Variants in PHIP observed in about 807,000 individuals in gnomAD.
The protein encoded by PHIP is PH-interacting protein.
PHIP carries 54 observed loss-of-function variants against 236.8 expected under a neutral mutation model. That is an observed-to-expected ratio of 0.23 (90% confidence interval 0.18 to 0.29). The LOEUF is 0.29. Among genes scored for constraint, PHIP ranks in the 10% least tolerant of loss-of-function variants. The probability of loss-of-function intolerance (pLI) is 1.00; values close to 1 mark genes in which losing one functional copy is unlikely to be tolerated. For missense variants in PHIP, 1,370 were observed against 2,190.8 expected (o/e 0.63, Z 7.48); for synonymous variants, 756 against 718.9 (o/e 1.05, Z -0.83).
chr6:79,017,814 C>T (rs1055889591), intron 10 of PHIP, among the ~76,000 whole-genome samples: 1 of 151,814 alleles, frequency 6.6e-6, no homozygotes. Context: ...TAAAGCTTTG[C>T]TCAAAAAATA....
rs1316290408 is a variant in PHIP, at chr6:79,061,965, T to C, written c.190-1147A>G. The stretch of plus-strand genomic sequence containing the variant: ...TAATACCCATCTAAACTGAAGCCAA[T>C]AGGAGAAACCTACCTTACTCTTTAT... On this transcript the variant is annotated intron_variant, in intron 4 of 39. Coordinates refer to ENST00000275034, the MANE Select transcript of PHIP (RefSeq NM_017934.7). Among the ~76,000 whole-genome samples, 14 of 152,230 alleles carry C rather than the reference T, an allele frequency of 9.2e-5. No homozygotes were observed. In the East Asian group the frequency reaches 2.3e-3, roughly 25 times the overall value.
At chr6:79,042,733 C>G (rs375600562) in intron 7 of PHIP, 110 bp downstream of exon 7, 1 of 697,150 alleles carries the variant, frequency 1.4e-6, no homozygotes, top group Non-Finnish European at 2.2e-6. Flanking sequence ...CCTGAATTTC[C>G]GGTTTCCTAT....
In PHIP at chr6:78,936,999, A is replaced by C. The variant is rs1426124084; in HGVS notation, c.*3694T>G. 2 of 151,812 alleles carry C rather than the reference A, an allele frequency of 1.3e-5. No individual in the cohort carries two copies. Among genetic ancestry groups the C allele is most frequent in the African/African-American group, 4.8e-5 (2 of 41,436 alleles). The allele number at this position is 151,812 out of a possible 1,614,324, so 9.4% of individuals were successfully genotyped here. A position where few individuals can be genotyped will look rare whatever the true frequency, so the allele number is the denominator to read the frequency against. The stretch of plus-strand genomic sequence containing the variant: ...CCTAAGTGTAACAAAACCACTGCTC[A>C]ATCTGTTATGTTAGAAATACTTTTT... On this transcript the variant is annotated 3_prime_UTR_variant, in exon 40 of 40. Coordinates refer to ENST00000275034, the MANE Select transcript of PHIP (RefSeq NM_017934.7).
chr6:78,954,121 A>T (rs1766243491), intron 35 of PHIP, among the ~76,000 whole-genome samples: 1 of 152,082 alleles, frequency 6.6e-6, no homozygotes, highest in African/African-American at 2.4e-5. Context: ...TGCTTTTGAG[A>T]CTCAGTCTCT....
rs1186692850 is a variant in PHIP, at chr6:78,961,830, T to C, written c.3536-20A>G. ...CAATATCTAAAATAAATAGATAAGT[T>C]TGTAAATTTATTTTTGTATGCCTAA... On this transcript the variant is annotated intron_variant, in intron 30 of 39. Transcript: ENST00000275034. 5.1e-6 allele frequency: 8 copies of C among 1,572,788 alleles called. No homozygotes were observed. Among genetic ancestry groups the C allele is most frequent in the African/African-American group, 1.4e-5 (1 of 72,794 alleles).
chr6:78,987,927 C>A (rs1235373932), intron 21 of PHIP, among the ~76,000 whole-genome samples: 1 of 152,140 alleles, frequency 6.6e-6, no homozygotes, highest in African/African-American at 2.4e-5. Flanking sequence ...TGCTCTACCT[C>A]TTAATAGGTG....
intron 19 of PHIP, among the ~76,000 whole-genome samples, chr6:78,993,757 T>A (rs917729175): frequency 1.3e-5 from 2 of 152,212 alleles, no homozygotes; most frequent in Admixed American, 1.3e-4. Flanking sequence ...CTGATGCAGA[T>A]ATACAAGGTG....
At chr6:79,059,096 C>A (rs977814895) in intron 6 of PHIP, among the ~76,000 whole-genome samples, 18 of 151,860 alleles carry the variant, frequency 1.2e-4, no homozygotes, top group African/African-American at 4.4e-4. Context: ...GATTACCCAC[C>A]ACGCAGATAT....
At chr6:79,041,560 A>G (rs1348202007) in intron 7 of PHIP, among the ~76,000 whole-genome samples, 1 of 152,086 alleles carries the variant, frequency 6.6e-6, no homozygotes, top group East Asian at 1.9e-4. Context: ...TTTTGAAAGA[A>G]TTCTTTCAAA....
intron 20 of PHIP, 34 bp downstream of exon 20, chr6:78,990,834 G>A (rs760250200): frequency 1.6e-6 from 2 of 1,228,148 alleles, no homozygotes; most frequent in Non-Finnish European, 2.4e-6. Flanking sequence ...TACTTAAGAA[G>A]CAAATATTAA....
chr6:78,987,689 C>G (rs1768954216), intron 21 of PHIP, among the ~76,000 whole-genome samples: 1 of 151,994 alleles, frequency 6.6e-6, no homozygotes, highest in South Asian at 2.1e-4. Context: ...ATTGCCTTCA[C>G]TGAAATAATA....
chr6:79,071,055 T>C (rs1030727473), intron 4 of PHIP, among the ~76,000 whole-genome samples: 7 of 152,196 alleles, frequency 4.6e-5, no homozygotes, highest in African/African-American at 1.4e-4. Flanking sequence ...TTAGTTTTAA[T>C]ATAAGAAGAA....
intron 12 of PHIP, 124 bp downstream of exon 12, chr6:79,017,216 TTAAGTA>T (rs1261691139): frequency 8.7e-6 from 5 of 571,690 alleles, no homozygotes; most frequent in African/African-American, 3.8e-5. Context: ...ATATTCACTT[TTAAGTA>T]TAACTGGTCA....
intron 9 of PHIP, among the ~76,000 whole-genome samples, chr6:79,020,333 T>C (rs67628258): frequency 0.11 from 16,179 of 152,228 alleles, 890 homozygotes; most frequent in Middle Eastern, 0.19. Flanking sequence ...TTTACATTAG[T>C]ATTTACAGCA....
chr6:79,020,148 A>T (rs1771042347), intron 9 of PHIP, among the ~76,000 whole-genome samples: 1 of 152,056 alleles, frequency 6.6e-6, no homozygotes, highest in Non-Finnish European at 1.5e-5. Context: ...GTGCAAAAAT[A>T]ATTGCGGTTT....
intron 5 of PHIP, 39 bp downstream of exon 5, chr6:79,060,621 AAAAGTGAG>A: frequency 6.2e-7 from 1 of 1,608,708 alleles, no homozygotes; most frequent in Non-Finnish European, 8.5e-7. Context: ...ACACAAAAAC[AAAAGTGAG>A]ATAAATAATG....
rs1304822359 is a variant in PHIP at position 78,946,184 on chromosome 6, G to A, written c.4447C>T (p.Arg1483Ter). ...SSTSAFSTPT[R>*]SIPPRHNAAQ... ...GCATTGTGTCTTGGCGGTATTGATC[G>A]TGTAGGTGTAGAGAATGCAGAGGTA... is the stretch of plus-strand genomic sequence containing the variant. The change falls in exon 38 of 40, where the codon CGA (arginine) becomes TGA (stop). Residue 1483 changes from arginine (R) to a stop codon, truncating the protein, a stop_gained. Transcript: ENST00000275034. LOFTEE classifies it high-confidence loss of function. The A allele has an allele frequency of 1.2e-6, 2 of 1,613,458 alleles. No individual in the cohort carries two copies. Among genetic ancestry groups the A allele is most frequent in the African/African-American group, 1.3e-5 (1 of 74,912 alleles).
At chr6:78,954,722 ATAAT>A in intron 35 of PHIP, 88 bp downstream of exon 35, 1 of 765,252 alleles carries the variant, frequency 1.3e-6, no homozygotes, top group South Asian at 1.9e-5. Context: ...GAAATAAACT[ATAAT>A]CATAAAAAGT....
chr6:78,984,753 T>C (rs140525341), intron 22 of PHIP, among the ~76,000 whole-genome samples: 120 of 152,278 alleles, frequency 7.9e-4, no homozygotes, highest in African/African-American at 2.8e-3. Flanking sequence ...CTTCATACTT[T>C]GTCTCGTCTA....
Sources: allele counts gnomAD v4.1 joint callset (sites outside exome capture counted in the v4.1 genomes callset), GRCh38; gene constraint gnomAD v4.1.1; transcripts MANE v1.5; gene names NCBI Gene and HGNC (gene_info 2026-07-23, HGNC 2026-07-21).